The following UEVLD variants were observed in gnomAD, a reference collection of about 807,000 sequenced individuals.
UEVLD encodes ubiquitin-conjugating enzyme E2 variant 3.
In UEVLD, 47 loss-of-function variants were observed where a neutral mutation model predicts 58.6. That is an observed-to-expected ratio of 0.80 (90% CI 0.63 to 1.02). UEVLD has a LOEUF of 1.02. Ranked by LOEUF, UEVLD falls within the 50% of genes least tolerant of loss-of-function variation. The pLI is 0.00. For missense variants in UEVLD, 510 were observed against 550.6 expected (o/e 0.93, Z 0.74); for synonymous variants, 197 against 195.3 (o/e 1.01, Z -0.07).
chr11:18,581,583 C>A (rs1252437592), intron 1 of UEVLD, among the ~76,000 whole-genome samples: 1 of 151,698 alleles, frequency 6.6e-6, no homozygotes, highest in Non-Finnish European at 1.5e-5. Flanking sequence ...ACTCAGGAGG[C>A]TGAGGCAGGA....
At chr11:18,569,121 C>T (rs1191261236) in intron 4 of UEVLD, among the ~76,000 whole-genome samples, 2 of 152,144 alleles carry the variant, frequency 1.3e-5, no homozygotes, top group Non-Finnish European at 2.9e-5. Context: ...GTCTCGATCT[C>T]CTGACCTCGT....
At chr11:18,575,507 T>A in intron 2 of UEVLD, 95 bp from the exon 3 acceptor site, 1 of 1,160,140 alleles carries the variant, frequency 8.6e-7, no homozygotes, top group Non-Finnish European at 1.2e-6. Flanking sequence ...TGCTCATGAA[T>A]ATACACACAC....
At chr11:18,560,202 T>C (rs1851972956) in intron 6 of UEVLD, among the ~76,000 whole-genome samples, 1 of 151,142 alleles carries the variant, frequency 6.6e-6, no homozygotes, top group Non-Finnish European at 1.5e-5. Flanking sequence ...GGACAGTCAC[T>C]GAATTCGGCC....
chr11:18,583,184 A>C (rs1216256770), intron 1 of UEVLD, among the ~76,000 whole-genome samples: 1 of 148,204 alleles, frequency 6.7e-6, no homozygotes, highest in Admixed American at 6.8e-5. Context: ...TCAGCCTCCC[A>C]AAGTACTTGG....
rs370030163 is a variant in UEVLD, at chr11:18,568,975, A to C, written c.357+1239T>G. ...AGTGGTGCAATCTTGGCTCACTGCA[A>C]GCTCCACCTTCTGAGTTCACACCAT... On this transcript the variant is annotated intron_variant, in intron 4 of 11. Coordinates refer to ENST00000396197, the MANE Select transcript of UEVLD (RefSeq NM_001040697.4). Among the ~76,000 whole-genome samples the C allele has an allele frequency of 2.6e-5, 4 of 151,970 alleles. No homozygotes were observed. The East Asian group carries it at 7.7e-4, about 29-fold the overall frequency.
chr11:18,557,731 A>T (rs1303764081), intron 7 of UEVLD, among the ~76,000 whole-genome samples: 1 of 151,650 alleles, frequency 6.6e-6, no homozygotes, highest in Non-Finnish European at 1.5e-5. Context: ...ACCCAGCTAA[A>T]TTTTTTTTCT....
rs529415684 is a variant in UEVLD at position 18,565,992 on chromosome 11, G to C, written c.493+355C>G. On this transcript the variant is annotated intron_variant, in intron 5 of 11. Transcript: ENST00000396197. The stretch of plus-strand genomic sequence containing the variant: ...CAGCTCACTGCAACCTCTGCCTCCC[G>C]GATTCAAGCAATTTTCCCACCTCAG... Among the ~76,000 whole-genome samples, 3 of 147,248 alleles carry C rather than the reference G, an allele frequency of 2.0e-5. No individual in the cohort carries two copies. The Admixed American group carries it at 2.1e-4, about 10-fold the overall frequency.
intron 9 of UEVLD, among the ~76,000 whole-genome samples, chr11:18,540,953 T>C (rs1274869359): frequency 6.6e-6 from 1 of 152,218 alleles, no homozygotes; most frequent in East Asian, 1.9e-4. Context: ...TGAAAATAAA[T>C]TCCTACATTT....
At chr11:18,561,973 CT>C (rs918992521) in intron 6 of UEVLD, among the ~76,000 whole-genome samples, 3 of 152,036 alleles carry the variant, frequency 2.0e-5, no homozygotes, top group Non-Finnish European at 4.4e-5. Context: ...TTAGTTGCTG[CT>C]GCTACCACCA....
chr11:18,583,133 A>T (rs551833267), intron 1 of UEVLD, among the ~76,000 whole-genome samples: 18 of 151,764 alleles, frequency 1.2e-4, no homozygotes, highest in Non-Finnish European at 4.4e-5. Flanking sequence ...CAAGTTGGCC[A>T]GGCTGGTCTC....
chr11:18,541,630 A>G (rs1851058875), intron 9 of UEVLD, among the ~76,000 whole-genome samples: 1 of 152,260 alleles, frequency 6.6e-6, no homozygotes, highest in Non-Finnish European at 1.5e-5. Flanking sequence ...ACATGATGAG[A>G]CAAGATGTAG....
intron 6 of UEVLD, among the ~76,000 whole-genome samples, chr11:18,559,504 A>T (rs1162794192): frequency 6.6e-6 from 1 of 152,054 alleles, no homozygotes; most frequent in African/African-American, 2.4e-5. Context: ...TGGCCCCTGC[A>T]GGTTTCTTTT....
At chr11:18,579,959 G>C (rs1853142857) in intron 1 of UEVLD, among the ~76,000 whole-genome samples, 1 of 150,836 alleles carries the variant, frequency 6.6e-6, no homozygotes, top group South Asian at 2.1e-4. Flanking sequence ...CTTGTTCACG[G>C]ACTTGAAGAC....
At chr11:18,564,854 C>T (rs748534598) in intron 6 of UEVLD, 38 bp downstream of exon 6, 2 of 1,463,996 alleles carry the variant, frequency 1.4e-6, no homozygotes, top group Non-Finnish European at 9.5e-7. Flanking sequence ...AAGTGTGGCA[C>T]TATGATAGAT....
intron 11 of UEVLD, among the ~76,000 whole-genome samples, chr11:18,533,151 C>G (rs189669532): frequency 1.3e-5 from 2 of 151,692 alleles, no homozygotes; most frequent in East Asian, 3.9e-4. Context: ...CCTTGGCCTC[C>G]CAAAGTGCTG....
chr11:18,570,828 T>C, intron 3 of UEVLD: 1 of 151,044 alleles, frequency 6.6e-6, no homozygotes, highest in South Asian at 2.1e-4. Context: ...CAAGGCCTAT[T>C]CCCCCCCATT....
intron 9 of UEVLD, among the ~76,000 whole-genome samples, 194 bp downstream of exon 9, chr11:18,544,429 T>C (rs1019438029): frequency 3.9e-5 from 6 of 152,184 alleles, no homozygotes; most frequent in Non-Finnish European, 5.9e-5. Flanking sequence ...CCACTCAGTC[T>C]CCTGAGTAAC....
At chr11:18,582,395 A>G (rs1853289573) in intron 1 of UEVLD, among the ~76,000 whole-genome samples, 1 of 132,372 alleles carries the variant, frequency 7.6e-6, no homozygotes, top group South Asian at 2.5e-4. Context: ...TGTCCCAAGG[A>G]AAATATTAGC....
Position 18,532,292 on chromosome 11 carries a change from G to T in UEVLD, c.*28C>A. ...AAATGACTTTTCCCTTTAGGTAGAA[G>T]TCCAGCCTCTCAAATTGCATTTGAG... On this transcript the variant is annotated 3_prime_UTR_variant, in exon 12 of 12. Coordinates refer to ENST00000396197, the MANE Select transcript of UEVLD (RefSeq NM_001040697.4). 6.3e-7 allele frequency: 1 copy of T among 1,582,038 alleles called. No homozygotes were observed. Among genetic ancestry groups the T allele is most frequent in the Non-Finnish European group, 8.6e-7 (1 of 1,165,210 alleles).
Sources: gnomAD v4.1 joint callset for allele counts (sites outside exome capture counted in the v4.1 genomes callset) on GRCh38, gnomAD v4.1.1 for gene constraint, MANE v1.5 for transcripts, NCBI Gene and HGNC (gene_info 2026-07-23, HGNC 2026-07-21) for gene names.